CLSTN3: variants seen among roughly 807,000 people sequenced by gnomAD.
The protein encoded by CLSTN3 is calsyntenin-3.
CLSTN3 carries 36 observed loss-of-function variants against 95.9 expected under a neutral mutation model. The observed-to-expected ratio is 0.38, with a 90% CI of 0.29 to 0.50. CLSTN3 has a LOEUF of 0.50. Among genes scored for constraint, CLSTN3 ranks in the 20% least tolerant of loss-of-function variants. The probability of loss-of-function intolerance (pLI) is 0.95; values close to 1 mark genes in which losing one functional copy is unlikely to be tolerated. For synonymous variants in CLSTN3, 481 were observed against 504.0 expected, an observed-to-expected ratio of 0.95 and a Z score of 0.61; for missense variants, 1,084 against 1,268.8, an observed-to-expected ratio of 0.85 and a Z score of 2.21.
chr12:7,151,762 G>GAAGA (rs1446356168), intron 16 of CLSTN3, among the ~76,000 whole-genome samples: 5 of 152,078 alleles, frequency 3.3e-5, no homozygotes, highest in Non-Finnish European at 7.4e-5. Flanking sequence ...TTCTTTTAAA[G>GAAGA]AAGAAAAATC....
chr12:7,156,473 G>A (rs1437133846), intron 16 of CLSTN3: 3 of 456,840 alleles, frequency 6.6e-6, no homozygotes, highest in Non-Finnish European at 1.3e-5. Flanking sequence ...GGGGAGCTGG[G>A]TGATGCTGCA....
At chr12:7,134,717 T>A (rs1290118032) in intron 3 of CLSTN3, among the ~76,000 whole-genome samples, 1 of 152,242 alleles carries the variant, frequency 6.6e-6, no homozygotes, top group Non-Finnish European at 1.5e-5. Context: ...TGCATCTTCC[T>A]TGCTTATCCC....
At chr12:7,143,076 A>G (rs1591617612) in intron 11 of CLSTN3, 50 bp downstream of exon 11, 1 of 1,592,574 alleles carries the variant, frequency 6.3e-7, no homozygotes, top group Non-Finnish European at 8.6e-7. Context: ...CCCTTGCCCC[A>G]CCCCCTTGCC....
chr12:7,142,186 T>C (rs370435727), intron 10 of CLSTN3, 47 bp downstream of exon 10: 1 of 1,513,722 alleles, frequency 6.6e-7, no homozygotes, highest in Non-Finnish European at 9.1e-7. Context: ...TCATCTTCAC[T>C]TTCTGTTCTG....
In CLSTN3 at chr12:7,142,257, G is replaced by A. The variant is rs774955678; in HGVS notation, c.1540+118G>A. On this transcript the variant is annotated intron_variant, in intron 10 of 17. Transcript: ENST00000266546. ...TGACAGCCTCCTAGGCCACCAGGGG[G>A]CAGAGCCTCCAAGAAATACAGCAGG... 9.2e-4 allele frequency: 750 copies of A among 815,864 alleles called. 1 individual carries two copies. Among genetic ancestry groups the A allele is most frequent in the Non-Finnish European group, 1.3e-3 (655 of 511,900 alleles). The allele number at this position is 815,864 out of a possible 1,614,324, so 50.5% of individuals were successfully genotyped here.
rs1565653664 is a variant in CLSTN3 at position 7,150,390 on chromosome 12, T to C, written c.2246-154T>C. 4 of 762,224 alleles carry C rather than the reference T, an allele frequency of 5.2e-6. No individual in the cohort carries two copies. The East Asian group carries it at 1.1e-4, about 21-fold the overall frequency. The allele number at this position is 762,224 out of a possible 1,614,324, so 47.2% of individuals were successfully genotyped here. A position where few individuals can be genotyped will look rare whatever the true frequency, so the allele number is the denominator to read the frequency against. The stretch of plus-strand genomic sequence containing the variant: ...GAGTGGGCAGGGATGGAGGGGAGCA[T>C]CCCTCCCTTCGACCTCAGGTCGCAC... On this transcript the variant is annotated intron_variant, in intron 14 of 17. Transcript: ENST00000266546. The surrounding 1 kb of genome is among the most constrained non-coding windows in gnomAD (Gnocchi z 4.0).
Position 7,149,775 on chromosome 12 carries a change from C to A in CLSTN3, c.2245+82C>A. The A allele has an allele frequency of 7.5e-7, 1 of 1,326,762 alleles. No homozygotes were observed. The allele number at this position is 1,326,762 out of a possible 1,614,324, so 82.2% of individuals were successfully genotyped here. A position where few individuals can be genotyped will look rare whatever the true frequency, so the allele number is the denominator to read the frequency against. On this transcript the variant is annotated intron_variant, in intron 14 of 17. Transcript: ENST00000266546. This position sits in a 1 kb window ranked among gnomAD's most constrained non-coding sequence, Gnocchi z 4.5. ...GGGCCTAGGAAGCCCAGAGGGTCCT[C>A]CTTCCAGGTCCAGGGATGTGGACAA...
At position 7,143,328 on chromosome 12, in the gene CLSTN3, G is replaced by A; in HGVS notation, c.1847+17G>A. On this transcript the variant is annotated intron_variant, in intron 12 of 17. Transcript: ENST00000266546. ...TGCTGTCAAGTGAGTGTTGGGTGGG[G>A]CAGGGCAAATCACCAAGCAGAGCCA... is the stretch of plus-strand genomic sequence containing the variant. 1 of 1,600,908 alleles carries A rather than the reference G, an allele frequency of 6.2e-7. No individual in the cohort carries two copies. Among genetic ancestry groups the A allele is most frequent in the East Asian group, 2.2e-5 (1 of 44,812 alleles).
In CLSTN3 at chr12:7,130,685, C is replaced by A; in HGVS notation, c.37C>A (p.Leu13Met). The A allele has an allele frequency of 6.4e-7, 1 of 1,574,220 alleles. No individual in the cohort carries two copies. Among genetic ancestry groups the A allele is most frequent in the East Asian group, 2.3e-5 (1 of 43,500 alleles). The part of the protein sequence containing the change: ...LLLLPLLLAS[L>M]LASCSCNKAN... ...GCTGCTGCCCCTTCTGCTGGCCTCT[C>A]TGCTCGCGTCCTGCTCCTGTAACAA... is the stretch of plus-strand genomic sequence containing the variant. The change falls in exon 1 of 18, where the codon CTG (leucine) becomes ATG (methionine). Residue 13 changes from leucine (L) to methionine (M), a missense_variant. By Grantham distance (15) the Leu-to-Met change is conservative. Transcript: ENST00000266546.
At position 7,133,133 on chromosome 12, in the gene CLSTN3, G is replaced by A. The variant is rs143287957; in HGVS notation, c.174G>A (p.Pro58=). ...TCTTTGCCTTGGACAAGGATGCCCC[G>A]CTGCGCTATGCAGGTAATTGGGATT... ...PPLFALDKDA[P]LRYAGEICGF... Residue 58 remains proline (P), a synonymous_variant, in exon 2 of 18, where the codon CCG becomes CCA. Transcript: ENST00000266546. The surrounding 1 kb of genome is among the most constrained non-coding windows in gnomAD (Gnocchi z 4.7). 3.2e-4 allele frequency: 518 copies of A among 1,614,106 alleles called. 1 individual carries two copies. The highest frequency in any genetic ancestry group is 2.9e-4 in the Non-Finnish European group (347 of 1,180,010).
chr12:7,145,113 G>C (rs1392279439), intron 12 of CLSTN3, among the ~76,000 whole-genome samples: 1 of 152,190 alleles, frequency 6.6e-6, no homozygotes. Context: ...AGTTCCTGCG[G>C]GGGGAGGAGT....
rs972294632 is a variant in CLSTN3 at position 7,144,254 on chromosome 12, A to T, written c.1847+943A>T. On this transcript the variant is annotated intron_variant, in intron 12 of 17. Transcript: ENST00000266546. ...TCTCAAAAAAAAAAAAAAAAAAAAA[A>T]AGTTTACTGACCTCTGAATTCTAAG... Among the ~76,000 whole-genome samples the T allele has an allele frequency of 3.4e-3, 513 of 151,754 alleles. 4 individuals are homozygous for T. Among genetic ancestry groups the T allele is most frequent in the African/African-American group, 0.011 (473 of 41,338 alleles).
chr12:7,143,118 C>T (rs1939559774), intron 11 of CLSTN3, 45 bp from the exon 12 acceptor site: 1 of 1,601,740 alleles, frequency 6.2e-7, no homozygotes, highest in Admixed American at 1.7e-5. Context: ...CTTCCTCTGC[C>T]ACCTCCTGGC....
rs936133979 is a variant in CLSTN3 at position 7,133,831 on chromosome 12, A to C, written c.383+63A>C. 1 of 1,369,856 alleles carries C rather than the reference A, an allele frequency of 7.3e-7. No homozygotes were observed. The highest frequency in any genetic ancestry group is 1.5e-5 in the African/African-American group (1 of 68,484). The allele number at this position is 1,369,856 out of a possible 1,614,324, so 84.9% of individuals were successfully genotyped here. ...GGTCCTCCTCCCTGCTCCCAAGCCC[A>C]CCATCCTCTGTCCGTGCGGTCATCG... is the stretch of plus-strand genomic sequence containing the variant. On this transcript the variant is annotated intron_variant, in intron 3 of 17. Transcript: ENST00000266546. The surrounding 1 kb of genome is among the most constrained non-coding windows in gnomAD (Gnocchi z 4.7).
In CLSTN3 at chr12:7,136,423, A is replaced by G. The variant is rs1200060170; in HGVS notation, c.928+32A>G. 6.5e-6 allele frequency: 10 copies of G among 1,537,268 alleles called. No homozygotes were observed. In the African/African-American group the frequency reaches 1.2e-4, roughly 19 times the overall value. ...GTGCCCCCAACACTGCCTCAGGCCTATCCCTTCCCATCCAACCTCTGTCCA... is the reference window on the plus strand; with the variant it reads ...GTGCCCCCAACACTGCCTCAGGCCTGTCCCTTCCCATCCAACCTCTGTCCA... On this transcript the variant is annotated intron_variant, in intron 6 of 17. Transcript: ENST00000266546.
Position 7,137,171 on chromosome 12 carries a change from C to A in CLSTN3, c.1210+61C>A. Reference sequence around the variant, plus strand: ...AACTGGCTTCTTGTCCCGCCTCTGTCACTGCCCAGTGTGTGACTGTGAACA... The same window carrying A: ...AACTGGCTTCTTGTCCCGCCTCTGTAACTGCCCAGTGTGTGACTGTGAACA... On this transcript the variant is annotated intron_variant, in intron 7 of 17. Transcript: ENST00000266546. This position sits in a 1 kb window ranked among gnomAD's most constrained non-coding sequence, Gnocchi z 4.4. The A allele has an allele frequency of 6.6e-7, 1 of 1,523,832 alleles. No individual in the cohort carries two copies. The highest frequency in any genetic ancestry group is 1.2e-5 in the South Asian group (1 of 82,078). 94.4% of individuals were successfully genotyped at this position (1,523,832 alleles called of 1,614,324 possible). A position where few individuals can be genotyped will look rare whatever the true frequency, so the allele number is the denominator to read the frequency against.
rs770928597 is a variant in CLSTN3, at chr12:7,150,445, C to T, written c.2246-99C>T. 5.6e-6 allele frequency: 8 copies of T among 1,429,932 alleles called. No individual in the cohort carries two copies. Among genetic ancestry groups the T allele is most frequent in the South Asian group, 2.7e-5 (2 of 74,186 alleles). 88.6% of individuals were successfully genotyped at this position (1,429,932 alleles called of 1,614,324 possible). On this transcript the variant is annotated intron_variant, in intron 14 of 17. Coordinates refer to ENST00000266546, the MANE Select transcript of CLSTN3 (RefSeq NM_014718.4). The surrounding 1 kb of genome is among the most constrained non-coding windows in gnomAD (Gnocchi z 4.0). ...GCGGAGATGGGGCTGACCTGCTCTA[C>T]AGCTTGTGTGGCGTCAGCTGGTGGG... is the stretch of plus-strand genomic sequence containing the variant.
chr12:7,131,770 G>T, intron 1 of CLSTN3: 1 of 452,358 alleles, frequency 2.2e-6, no homozygotes, highest in South Asian at 1.6e-5. Context: ...GCCACTTCCT[G>T]TACCGCCTCC....
chr12:7,129,486 G>A (rs902005161), upstream of CLSTN3: 2 of 425,774 alleles, frequency 4.7e-6, no homozygotes, highest in Non-Finnish European at 6.3e-6. The surrounding 1 kb of genome is among the most constrained non-coding windows in gnomAD (Gnocchi z 5.5). Flanking sequence ...TTCAAAGTCC[G>A]GAACAGACAG....
Sources: allele counts gnomAD v4.1 joint callset (sites outside exome capture counted in the v4.1 genomes callset), GRCh38; gene constraint gnomAD v4.1.1; non-coding constraint Gnocchi (gnomAD v3.1); transcripts MANE v1.5; gene names NCBI Gene and HGNC (gene_info 2026-07-23, HGNC 2026-07-21).